OLFML2A: variants seen among roughly 807,000 people sequenced by gnomAD.
OLFML2A encodes the protein olfactomedin-like protein 2A.
A neutral mutation model predicts 60.9 loss-of-function variants in OLFML2A; 47 were observed. The ratio of observed to expected loss-of-function variants is 0.77; its 90% CI spans 0.61 to 0.98. The LOEUF (loss-of-function observed/expected upper bound fraction) is 0.98. OLFML2A is among the 50% of genes least tolerant of loss of function. The pLI is 0.00. For synonymous variants in OLFML2A, 372 were observed against 375.0 expected (o/e 0.99, Z 0.09); for missense variants, 922 against 879.8 (o/e 1.05, Z -0.61).
In OLFML2A at chr9:124,812,910, A is replaced by G. The variant is rs1285624510; in HGVS notation, c.*2498A>G. ...GCCTCTTCTGTTTTCATACCCTTGTAAGTGGGTTATGTGGTGGGTATGGTC... is the reference window on the plus strand; with the variant it reads ...GCCTCTTCTGTTTTCATACCCTTGTGAGTGGGTTATGTGGTGGGTATGGTC... On this transcript the variant is annotated 3_prime_UTR_variant, in exon 8 of 8. Transcript: ENST00000373580. 2 of 152,198 alleles carry G rather than the reference A, an allele frequency of 1.3e-5. No individual in the cohort carries two copies. Among genetic ancestry groups the G allele is most frequent in the African/African-American group, 4.8e-5 (2 of 41,440 alleles). The allele number at this position is 152,198 out of a possible 1,614,324, so 9.4% of individuals were successfully genotyped here.
Position 124,807,859 on chromosome 9 carries a change from G to T in OLFML2A, c.1247G>T (p.Gly416Val), listed in dbSNP as rs1249467417. The T allele has an allele frequency of 1.2e-6, 2 of 1,614,128 alleles. No homozygotes were observed. The highest frequency in any genetic ancestry group is 1.7e-6 in the Non-Finnish European group (2 of 1,180,008). Residue 416 changes from glycine to valine, a missense_variant, in exon 7 of 8, where the codon GGA (glycine) becomes GTA (valine). Transcript: ENST00000373580. ...CACCACAGCTATGGGCGCCACGAGG[G>T]AGCCTGGATGAAGGACCCTGCAGCT... Reference protein sequence around the residue: ...VRHHSYGRHEGAWMKDPAARD... With the variant: ...VRHHSYGRHEVAWMKDPAARD...
chr9:124,800,535 CTCT>C (rs1228977379), intron 4 of OLFML2A, among the ~76,000 whole-genome samples: 12 of 152,238 alleles, frequency 7.9e-5, no homozygotes, highest in Admixed American at 6.5e-5. Context: ...CCCTCTTCCT[CTCT>C]TCTTCTCCAC....
chr9:124,780,623 C>T (rs938403806), intron 1 of OLFML2A, among the ~76,000 whole-genome samples: 4 of 152,198 alleles, frequency 2.6e-5, no homozygotes, highest in East Asian at 1.9e-4. Context: ...AGTCCTCCTT[C>T]GACACATCAA....
At chr9:124,805,651 A>C (rs1280381949) in intron 6 of OLFML2A, among the ~76,000 whole-genome samples, 1 of 152,110 alleles carries the variant, frequency 6.6e-6, no homozygotes, top group Non-Finnish European at 1.5e-5. Context: ...AAAAGACTAC[A>C]TACTGGCTGC....
rs546101436 is a variant in OLFML2A, at chr9:124,784,631, G to A, written c.91-2344G>A. 2.6e-5 allele frequency among the ~76,000 whole-genome samples: 4 copies of A among 152,314 alleles called. No individual in the cohort carries two copies. In the East Asian group the frequency reaches 7.7e-4, roughly 29 times the overall value. On this transcript the variant is annotated intron_variant, in intron 1 of 7. Coordinates refer to ENST00000373580, the MANE Select transcript of OLFML2A (RefSeq NM_182487.4). Reference sequence around the variant, plus strand: ...TTATCATTTTTAAGTATACACTTCAGTGGCATTTGGTACATTCACAATATT... The same window carrying A: ...TTATCATTTTTAAGTATACACTTCAATGGCATTTGGTACATTCACAATATT...
intron 1 of OLFML2A, among the ~76,000 whole-genome samples, chr9:124,780,742 G>A (rs1248818648): frequency 6.6e-6 from 1 of 152,206 alleles, no homozygotes; most frequent in Non-Finnish European, 1.5e-5. Flanking sequence ...AGCATCGTGT[G>A]TGCCAAGCCA....
intron 2 of OLFML2A, 54 bp from the exon 3 acceptor site, chr9:124,794,970 T>TACA: frequency 1.8e-6 from 2 of 1,091,330 alleles, no homozygotes; most frequent in Non-Finnish European, 1.4e-6. Flanking sequence ...ACCCTCTGTG[T>TACA]CTGGCCGGCC....
intron 7 of OLFML2A, among the ~76,000 whole-genome samples, chr9:124,809,272 G>C (rs1841956383): frequency 6.6e-6 from 1 of 152,184 alleles, no homozygotes; most frequent in African/African-American, 2.4e-5. Flanking sequence ...GGTGGAGGAA[G>C]CCAGTGATAA....
intron 4 of OLFML2A, chr9:124,801,060 G>C: frequency 6.4e-7 from 1 of 1,551,548 alleles, no homozygotes; most frequent in Non-Finnish European, 8.7e-7. Context: ...GAGTAAGAGA[G>C]ACAAGGCTGG....
chr9:124,809,122 G>A (rs1220758024), intron 7 of OLFML2A, among the ~76,000 whole-genome samples: 6 of 151,934 alleles, frequency 3.9e-5, no homozygotes, highest in South Asian at 2.1e-4. Flanking sequence ...AGCCGAGATC[G>A]CACCACTGCA....
At chr9:124,808,492 A>G (rs556326589) in intron 7 of OLFML2A, among the ~76,000 whole-genome samples, 1 of 152,314 alleles carries the variant, frequency 6.6e-6, no homozygotes, top group East Asian at 1.9e-4. Context: ...GGAAGGGGTC[A>G]TTTAGATCTA....
At chr9:124,782,723 C>G (rs1841383549) in intron 1 of OLFML2A, among the ~76,000 whole-genome samples, 1 of 152,176 alleles carries the variant, frequency 6.6e-6, no homozygotes, top group Non-Finnish European at 1.5e-5. Context: ...ATTCCTGGCC[C>G]AGGTCAGGGC....
At chr9:124,782,794 G>A (rs144112642) in intron 1 of OLFML2A, among the ~76,000 whole-genome samples, 5 of 152,180 alleles carry the variant, frequency 3.3e-5, no homozygotes, top group African/African-American at 7.2e-5. Flanking sequence ...GTCACGGTCC[G>A]ATGTGGAGGC....
At chr9:124,805,946 G>A (rs1490025278) in intron 6 of OLFML2A, among the ~76,000 whole-genome samples, 1 of 149,900 alleles carries the variant, frequency 6.7e-6, no homozygotes, top group Admixed American at 6.8e-5. Flanking sequence ...CTCCCAAGCA[G>A]ATGGGATTTC....
chr9:124,784,644 C>G (rs1175350046), intron 1 of OLFML2A, among the ~76,000 whole-genome samples: 2 of 152,158 alleles, frequency 1.3e-5, no homozygotes, highest in African/African-American at 4.8e-5. Flanking sequence ...GCATTTGGTA[C>G]ATTCACAATA....
intron 6 of OLFML2A, among the ~76,000 whole-genome samples, chr9:124,804,993 G>A (rs536750903): frequency 6.6e-6 from 1 of 152,164 alleles, no homozygotes; most frequent in South Asian, 2.1e-4. Flanking sequence ...ATGAGCCACC[G>A]CACCAAGCCC....
At chr9:124,807,294 C>CTTTTTT (rs56823893) in intron 6 of OLFML2A, among the ~76,000 whole-genome samples, 2,014 of 136,122 alleles carry the variant, frequency 0.015, 114 homozygotes, top group Admixed American at 0.067. Context: ...TCTCCATTCT[C>CTTTTTT]TTTTTTTTTT....
chr9:124,804,319 C>T lies in OLFML2A; in HGVS notation c.1145C>T (p.Ser382Leu). ...AGTCTCCTGCCCACCGAGCCACCTT[C>T]AGGTCCAGAAGTCTCCAGCCAAGGT... ...TTSLLPTEPP[S>L]GPEVSSQGRE... Residue 382 changes from serine to leucine, a missense_variant, in exon 6 of 8, where the codon TCA becomes TTA. Coordinates refer to ENST00000373580, the MANE Select transcript of OLFML2A (RefSeq NM_182487.4). 6.7e-7 allele frequency: 1 copy of T among 1,494,482 alleles called. No individual in the cohort carries two copies. The highest frequency in any genetic ancestry group is 9.0e-7 in the Non-Finnish European group (1 of 1,112,118). The allele number at this position is 1,494,482 out of a possible 1,614,324, so 92.6% of individuals were successfully genotyped here. A position where few individuals can be genotyped will look rare whatever the true frequency, so the allele number is the denominator to read the frequency against.
At chr9:124,796,263 G>A (rs1350119282) in intron 3 of OLFML2A, among the ~76,000 whole-genome samples, 1 of 152,238 alleles carries the variant, frequency 6.6e-6, no homozygotes, top group Non-Finnish European at 1.5e-5. Flanking sequence ...GCCCCTGGCA[G>A]CAGGGGAGAA....
Sources: allele counts gnomAD v4.1 joint callset (sites outside exome capture counted in the v4.1 genomes callset), GRCh38; gene constraint gnomAD v4.1.1; transcripts MANE v1.5; gene names NCBI Gene and HGNC (gene_info 2026-07-23, HGNC 2026-07-21).